HCN1: variants seen among roughly 807,000 people sequenced by gnomAD.
HCN1 encodes the protein potassium/sodium hyperpolarization-activated cyclic nucleotide-gated channel 1.
In HCN1, 13 loss-of-function variants were observed where a neutral mutation model predicts 78.9. That is an observed-to-expected ratio of 0.16 (90% CI 0.11 to 0.26). HCN1 has a LOEUF of 0.26. HCN1 is among the 10% of genes least tolerant of loss of function. HCN1 has a pLI of 1.00. For missense variants in HCN1, 810 were observed against 1,154.3 expected, an observed-to-expected ratio of 0.70 and a Z score of 4.32; for synonymous variants, 552 against 455.5, an observed-to-expected ratio of 1.21 and a Z score of -2.70.
At chr5:45,649,654 G>C (rs1255876719) in intron 1 of HCN1, among the ~76,000 whole-genome samples, 2 of 150,648 alleles carry the variant, frequency 1.3e-5, no homozygotes, top group African/African-American at 4.9e-5. Context: ...GTTACTATTT[G>C]TATGTGTTTC....
At chr5:45,355,143 A>G (rs961417872) in intron 4 of HCN1, among the ~76,000 whole-genome samples, 7 of 152,038 alleles carry the variant, frequency 4.6e-5, no homozygotes, top group Non-Finnish European at 1.0e-4. Flanking sequence ...ACAATAAGAG[A>G]GTATTTGACT....
chr5:45,597,615 C>G (rs529899362), intron 2 of HCN1, among the ~76,000 whole-genome samples: 3 of 152,060 alleles, frequency 2.0e-5, no homozygotes, highest in South Asian at 2.1e-4. Flanking sequence ...ATTAGGAAAA[C>G]AGGAAGTCAA....
At chr5:45,502,973 A>G (rs1196532978) in intron 2 of HCN1, among the ~76,000 whole-genome samples, 3 of 152,214 alleles carry the variant, frequency 2.0e-5, no homozygotes, top group African/African-American at 7.2e-5. Flanking sequence ...CTATGTTGGT[A>G]TATACATGTT....
intron 2 of HCN1, among the ~76,000 whole-genome samples, chr5:45,479,733 A>G (rs1433830357): frequency 1.3e-5 from 2 of 152,182 alleles, no homozygotes; most frequent in Non-Finnish European, 2.9e-5. Context: ...TCAGTTTTGG[A>G]CACTCTAAGT....
Position 45,634,933 on chromosome 5 carries a change from A to T in HCN1, c.849+10252T>A, listed in dbSNP as rs903555048. Among the ~76,000 whole-genome samples, 3 of 152,078 alleles carry T rather than the reference A, an allele frequency of 2.0e-5. No homozygotes were observed. In the East Asian group the frequency reaches 5.8e-4, roughly 29 times the overall value. Reference sequence around the variant, plus strand: ...ACAATGAAGAACCACTTCCCACACTAAGAAACTGTCACACTCACAAAGCTA... The same window carrying T: ...ACAATGAAGAACCACTTCCCACACTTAGAAACTGTCACACTCACAAAGCTA... On this transcript the variant is annotated intron_variant, in intron 2 of 7. Coordinates refer to ENST00000303230, the MANE Select transcript of HCN1 (RefSeq NM_021072.4).
At chr5:45,301,829 T>C (rs1300898129) in intron 6 of HCN1, among the ~76,000 whole-genome samples, 1 of 151,612 alleles carries the variant, frequency 6.6e-6, no homozygotes, top group Non-Finnish European at 1.5e-5. Context: ...AATAGGCAGA[T>C]TTAAATCAAC....
At chr5:45,464,691 G>T (rs59917895) in intron 2 of HCN1, among the ~76,000 whole-genome samples, 2 of 151,992 alleles carry the variant, frequency 1.3e-5, no homozygotes, top group African/African-American at 4.8e-5. Context: ...TGATGAATAC[G>T]TGAATGTGTG....
intron 1 of HCN1, among the ~76,000 whole-genome samples, chr5:45,685,258 G>C (rs988217299): frequency 1.3e-5 from 2 of 152,126 alleles, no homozygotes; most frequent in Non-Finnish European, 2.9e-5. Context: ...GTTTAACTAT[G>C]CCATTTTCTG....
At chr5:45,668,442 G>A (rs775507941) in intron 1 of HCN1, among the ~76,000 whole-genome samples, 7 of 151,880 alleles carry the variant, frequency 4.6e-5, no homozygotes, top group Middle Eastern at 3.4e-3. Context: ...TTCACCTTCC[G>A]CCATGATTGT....
At chr5:45,469,319 C>G (rs534651064) in intron 2 of HCN1, among the ~76,000 whole-genome samples, 1 of 151,960 alleles carries the variant, frequency 6.6e-6, no homozygotes, top group East Asian at 1.9e-4. Context: ...ATGGGAAAAT[C>G]TAATTATGAA....
At chr5:45,304,860 G>A (rs929684512) in intron 5 of HCN1, among the ~76,000 whole-genome samples, 15 of 152,098 alleles carry the variant, frequency 9.9e-5, no homozygotes, top group Admixed American at 9.2e-4. Flanking sequence ...AGATCTGTAT[G>A]TTTGATTTCA....
At chr5:45,493,418 AAT>A (rs1329623825) in intron 2 of HCN1, among the ~76,000 whole-genome samples, 1 of 152,056 alleles carries the variant, frequency 6.6e-6, no homozygotes, top group Non-Finnish European at 1.5e-5. Context: ...TCATTAATGT[AAT>A]AGTTTTATAT....
At chr5:45,513,677 T>C (rs1411582606) in intron 2 of HCN1, among the ~76,000 whole-genome samples, 1 of 152,164 alleles carries the variant, frequency 6.6e-6, no homozygotes, top group East Asian at 1.9e-4. Context: ...AGGTTGCACG[T>C]TACCCTTATG....
chr5:45,529,549 G>T (rs1425428282), intron 2 of HCN1, among the ~76,000 whole-genome samples: 1 of 152,014 alleles, frequency 6.6e-6, no homozygotes, highest in South Asian at 2.1e-4. Flanking sequence ...AGAAATTAAT[G>T]ATGACTCTGG....
chr5:45,470,026 T>C (rs1561166911), intron 2 of HCN1, among the ~76,000 whole-genome samples: 1 of 152,016 alleles, frequency 6.6e-6, no homozygotes, highest in African/African-American at 2.4e-5. Context: ...ATAGGTGAAC[T>C]CTATAGGGGA....
intron 2 of HCN1, among the ~76,000 whole-genome samples, chr5:45,463,500 C>A (rs932602135): frequency 6.6e-6 from 1 of 151,966 alleles, no homozygotes; most frequent in Admixed American, 6.6e-5. Context: ...GATATTCAGA[C>A]AGCTATACAC....
chr5:45,628,080 G>C (rs1580006522), intron 2 of HCN1, among the ~76,000 whole-genome samples: 1 of 152,160 alleles, frequency 6.6e-6, no homozygotes, highest in Admixed American at 6.5e-5. Flanking sequence ...GCAGCTTTTT[G>C]AACACTTCTG....
intron 5 of HCN1, among the ~76,000 whole-genome samples, chr5:45,352,310 G>A (rs1051205637): frequency 1.3e-5 from 2 of 151,600 alleles, no homozygotes; most frequent in Non-Finnish European, 2.9e-5. Context: ...TCACTCATAG[G>A]TGGGAATTGA....
At chr5:45,372,032 TTA>T (rs1241404073) in intron 4 of HCN1, among the ~76,000 whole-genome samples, 66 of 66,162 alleles carry the variant, frequency 1.0e-3, no homozygotes, top group Admixed American at 4.9e-3. Context: ...TATAATATAA[TTA>T]TATATATATT....
Sources: gnomAD v4.1 joint callset for allele counts (sites outside exome capture counted in the v4.1 genomes callset) on GRCh38, gnomAD v4.1.1 for gene constraint, MANE v1.5 for transcripts, NCBI Gene and HGNC (gene_info 2026-07-23, HGNC 2026-07-21) for gene names.